ANO4: variants seen among roughly 807,000 people sequenced by gnomAD.
ANO4 encodes the protein anoctamin 4.
ANO4 carries 69 observed loss-of-function variants against 141.9 expected under a neutral mutation model. That is an observed-to-expected ratio of 0.49 (90% CI 0.40 to 0.59). ANO4 has a LOEUF of 0.59. Ranked by LOEUF, ANO4 falls within the 20% of genes least tolerant of loss-of-function variation. ANO4 has a pLI of 0.00. For missense variants in ANO4, 894 were observed against 1,162.2 expected (o/e 0.77, Z 3.36); for synonymous variants, 350 against 394.3 (o/e 0.89, Z 1.33).
intron 1 of ANO4, among the ~76,000 whole-genome samples, chr12:100,798,684 TGGA>T (rs1464255795): frequency 1.3e-5 from 2 of 152,196 alleles, no homozygotes; most frequent in Admixed American, 1.3e-4. Context: ...GGCAGAATTT[TGGA>T]GGAGAACCAA....
intron 14 of ANO4, among the ~76,000 whole-genome samples, chr12:101,051,362 CAG>C (rs1314748267): frequency 4.6e-5 from 7 of 152,062 alleles, no homozygotes. Flanking sequence ...ACTTTGGGCA[CAG>C]AGGAACATTT....
chr12:100,891,275 G>A (rs1021019302), intron 1 of ANO4, among the ~76,000 whole-genome samples: 7 of 152,190 alleles, frequency 4.6e-5, no homozygotes, highest in Non-Finnish European at 8.8e-5. Context: ...TAAAACTGCT[G>A]TAAACATTCA....
intron 1 of ANO4, among the ~76,000 whole-genome samples, chr12:100,897,875 G>C (rs984006609): frequency 6.6e-6 from 1 of 152,176 alleles, no homozygotes; most frequent in African/African-American, 2.4e-5. Flanking sequence ...TTAGGCCAAA[G>C]GACTCTCAAC....
chr12:100,751,650 T>C (rs2032384258), intron 3 of ANO4, among the ~76,000 whole-genome samples: 1 of 152,096 alleles, frequency 6.6e-6, no homozygotes, highest in Non-Finnish European at 1.5e-5. Flanking sequence ...ATTGAGTGCC[T>C]ACTTTGTGCC....
intron 3 of ANO4, among the ~76,000 whole-genome samples, chr12:100,782,006 A>C (rs1040330532): frequency 1.3e-5 from 2 of 152,224 alleles, no homozygotes; most frequent in Non-Finnish European, 2.9e-5. Flanking sequence ...ACTGTTCATC[A>C]GCTTTTCATC....
intron 3 of ANO4, among the ~76,000 whole-genome samples, chr12:100,937,731 T>G (rs913219058): frequency 5.3e-5 from 8 of 152,252 alleles, no homozygotes; most frequent in Non-Finnish European, 1.0e-4. Context: ...AAATCAAGAC[T>G]CTCCTCTCTG....
Position 100,800,603 on chromosome 12 carries a change from A to G in ANO4, c.-141+5576A>G, listed in dbSNP as rs1376336288. ...TTCTGATTTTGTGACCTGACTGAAC[A>G]GAAGAGACAAATTAGCTAAACTTAT... On this transcript the variant is annotated intron_variant, in intron 1 of 27. Transcript: ENST00000392977. 2.0e-5 allele frequency among the ~76,000 whole-genome samples: 3 copies of G among 152,270 alleles called. No individual in the cohort carries two copies. The East Asian group carries it at 5.8e-4, about 29-fold the overall frequency.
chr12:100,882,327 A>G (rs2039610632), intron 1 of ANO4, among the ~76,000 whole-genome samples: 1 of 152,294 alleles, frequency 6.6e-6, no homozygotes, highest in African/African-American at 2.4e-5. Context: ...ACGTTTCTCA[A>G]TAATAACACT....
rs147346600 is a variant in ANO4 at position 100,820,257 on chromosome 12, C to T, written c.-141+25230C>T. On this transcript the variant is annotated intron_variant, in intron 1 of 27. Transcript: ENST00000392977. ...CATTCTTCAACCTATTAAAATCTTA[C>T]TCCATTTTATTACCAAGTAAACTCT... 1.6e-3 allele frequency among the ~76,000 whole-genome samples: 238 copies of T among 151,734 alleles called. 1 individual carries two copies. Among genetic ancestry groups the T allele is most frequent in the African/African-American group, 5.3e-3 (221 of 41,390 alleles).
At chr12:101,090,004 C>T (rs1166174649) in intron 17 of ANO4, among the ~76,000 whole-genome samples, 1 of 152,068 alleles carries the variant, frequency 6.6e-6, no homozygotes, top group Non-Finnish European at 1.5e-5. Flanking sequence ...AAAATGCTCA[C>T]CATCACTGGC....
chr12:100,957,111 T>C (rs912629459), intron 5 of ANO4, among the ~76,000 whole-genome samples: 2 of 152,242 alleles, frequency 1.3e-5, no homozygotes, highest in Non-Finnish European at 2.9e-5. Context: ...GGGTAATTTA[T>C]GAAGAAAATA....
chr12:100,740,609 T>C (rs895878167), intron 3 of ANO4, among the ~76,000 whole-genome samples: 1 of 152,248 alleles, frequency 6.6e-6, no homozygotes, highest in Admixed American at 6.5e-5. Flanking sequence ...AAAGTCATCT[T>C]TGAATACCGT....
At chr12:101,096,758 A>G in intron 19 of ANO4, 111 bp downstream of exon 19, 1 of 797,134 alleles carries the variant, frequency 1.3e-6, no homozygotes, top group Non-Finnish European at 2.1e-6. Context: ...ACAAAGTGTA[A>G]AAAGGGAAGA....
At chr12:101,019,365 C>T (rs2046430653) in intron 8 of ANO4, among the ~76,000 whole-genome samples, 1 of 151,360 alleles carries the variant, frequency 6.6e-6, no homozygotes, top group South Asian at 2.1e-4. Context: ...ACTGGAAAGC[C>T]GTGTGTGTGT....
chr12:101,015,040 C>G (rs1220756804), intron 8 of ANO4, among the ~76,000 whole-genome samples: 1 of 147,082 alleles, frequency 6.8e-6, no homozygotes, highest in African/African-American at 2.5e-5. Context: ...TTGCCCTGGT[C>G]TTGAACTTCT....
At chr12:100,778,593 A>G (rs1162072103) in intron 3 of ANO4, among the ~76,000 whole-genome samples, 1 of 152,130 alleles carries the variant, frequency 6.6e-6, no homozygotes, top group East Asian at 1.9e-4. Flanking sequence ...TAGAAAGAAC[A>G]CTAGACAGAA....
intron 5 of ANO4, among the ~76,000 whole-genome samples, chr12:100,953,973 G>A (rs1375279549): frequency 2.6e-5 from 4 of 152,120 alleles, no homozygotes; most frequent in African/African-American, 7.2e-5. Flanking sequence ...AAAAAGTCAA[G>A]TGCACGAGCA....
intron 14 of ANO4, among the ~76,000 whole-genome samples, chr12:101,077,256 G>A (rs1440149508): frequency 6.6e-6 from 1 of 152,192 alleles, no homozygotes; most frequent in African/African-American, 2.4e-5. Context: ...TACATCCTGT[G>A]TGACTTCACT....
chr12:100,903,103 C>T (rs61345623), intron 2 of ANO4, among the ~76,000 whole-genome samples: 3,538 of 152,218 alleles, frequency 0.023, 148 homozygotes, highest in African/African-American at 0.08. Context: ...TCTGTTCTGT[C>T]GAGAGTAACC....
Sources: gnomAD v4.1 joint callset for allele counts (sites outside exome capture counted in the v4.1 genomes callset) on GRCh38, gnomAD v4.1.1 for gene constraint, MANE v1.5 for transcripts, NCBI Gene and HGNC (gene_info 2026-07-23, HGNC 2026-07-21) for gene names.